PDE11A: variants seen among roughly 807,000 people sequenced by gnomAD.
The protein encoded by PDE11A is dual 3',5'-cyclic-AMP and -GMP phosphodiesterase 11A.
Under a neutral mutation model 100.5 loss-of-function variants are expected in PDE11A, and 100 were observed. That is an observed-to-expected ratio of 1.00 (90% CI 0.85 to 1.18). The LOEUF (loss-of-function observed/expected upper bound fraction) is 1.18. Among genes scored for constraint, PDE11A ranks in the 50% most tolerant of loss-of-function variants. The pLI, the probability that PDE11A is intolerant of heterozygous loss-of-function variation, is 0.00. For missense variants in PDE11A, 1,141 were observed against 1,152.6 expected (o/e 0.99, Z 0.15); for synonymous variants, 381 against 420.8 (o/e 0.91, Z 1.16).
intron 19 of PDE11A, among the ~76,000 whole-genome samples, chr2:177,634,878 G>C (rs904459367): frequency 6.6e-6 from 1 of 152,164 alleles, no homozygotes; most frequent in Non-Finnish European, 1.5e-5. Context: ...AGTGATACGG[G>C]ATGGGTTCTG....
chr2:177,739,076 G>A (rs1574094948), intron 10 of PDE11A, among the ~76,000 whole-genome samples: 2 of 152,168 alleles, frequency 1.3e-5, no homozygotes, highest in East Asian at 3.9e-4. Context: ...AGCTCTTAAC[G>A]CACAAAAGAC....
intron 2 of PDE11A, among the ~76,000 whole-genome samples, chr2:178,088,897 A>G (rs1294205916): frequency 6.6e-6 from 1 of 152,230 alleles, no homozygotes; most frequent in African/African-American, 2.4e-5. Flanking sequence ...ACATTTCCAG[A>G]CTTTAACAAC....
chr2:177,961,661 A>G lies in PDE11A; in HGVS notation c.1071+52641T>C, dbSNP rs543113963. Among the ~76,000 whole-genome samples the G allele has an allele frequency of 2.0e-5, 3 of 152,324 alleles. No individual in the cohort carries two copies. The South Asian group carries it at 6.2e-4, about 32-fold the overall frequency. ...GGTCTTTATTATTTTCTTGAAGCCAATTCCCACATTTTTACTTACATTTAA... is the reference window on the plus strand; with the variant it reads ...GGTCTTTATTATTTTCTTGAAGCCAGTTCCCACATTTTTACTTACATTTAA... On this transcript the variant is annotated intron_variant, in intron 2 of 19. Coordinates refer to ENST00000286063, the MANE Select transcript of PDE11A (RefSeq NM_016953.4).
chr2:177,966,801 A>G (rs1214736736), intron 2 of PDE11A, among the ~76,000 whole-genome samples: 1 of 152,106 alleles, frequency 6.6e-6, no homozygotes, highest in Non-Finnish European at 1.5e-5. Flanking sequence ...TCAGGGATGT[A>G]TGCCTGAAAT....
rs1427987722 is a variant in PDE11A at position 178,072,243 on chromosome 2, G to T, written c.195C>A (p.Thr65=). ...LAGTSSLAHS[T]CRGGSSVGGG... is the part of the protein sequence containing the mutation. ...CACCAACGCTGCTGCCACCTCTGCAGGTGCTGTGAGCCAAGCTGCTGGTAC... is the reference window on the plus strand; with the variant it reads ...CACCAACGCTGCTGCCACCTCTGCATGTGCTGTGAGCCAAGCTGCTGGTAC... Residue 65 remains threonine (T), a synonymous_variant, in exon 1 of 20, where the codon ACC becomes ACA. Coordinates refer to ENST00000286063, the MANE Select transcript of PDE11A (RefSeq NM_016953.4). 1 of 1,613,580 alleles carries T rather than the reference G, an allele frequency of 6.2e-7. No individual in the cohort carries two copies. The highest frequency in any genetic ancestry group is 1.1e-5 in the South Asian group (1 of 91,006).
chr2:177,971,239 C>A (rs2085766962), intron 2 of PDE11A, among the ~76,000 whole-genome samples: 1 of 152,174 alleles, frequency 6.6e-6, no homozygotes, highest in African/African-American at 2.4e-5. Context: ...CATAACAATA[C>A]AAAAATAGTT....
chr2:177,817,784 T>C, intron 8 of PDE11A, 74 bp downstream of exon 8: 2 of 752,118 alleles, frequency 2.7e-6, no homozygotes, highest in Admixed American at 1.8e-5. Flanking sequence ...TAATTGTTTG[T>C]CTTTCAAATT....
chr2:178,092,964 C>T (rs1183115514), intron 2 of PDE11A: 3 of 152,174 alleles, frequency 2.0e-5, no homozygotes, highest in Non-Finnish European at 4.4e-5. Context: ...CCATACAATA[C>T]CTACAAAGGT....
intron 1 of PDE11A, among the ~76,000 whole-genome samples, chr2:178,038,244 CA>C (rs1333137928): frequency 6.6e-6 from 1 of 151,866 alleles, no homozygotes; most frequent in Non-Finnish European, 1.5e-5. Context: ...TCACCCCCAC[CA>C]AAGTTTCTTC....
At chr2:177,766,670 A>C (rs2082244246) in intron 10 of PDE11A, among the ~76,000 whole-genome samples, 2 of 152,230 alleles carry the variant, frequency 1.3e-5, no homozygotes, top group Non-Finnish European at 2.9e-5. Flanking sequence ...TATGTGCAGG[A>C]TTATGTTAAG....
chr2:177,843,587 C>T (rs1043937895), intron 5 of PDE11A, among the ~76,000 whole-genome samples: 13 of 152,254 alleles, frequency 8.5e-5, no homozygotes, highest in Admixed American at 3.9e-4. Context: ...CTAAAACATG[C>T]TTAGAATGTG....
At chr2:177,875,608 C>T (rs1278565122) in intron 5 of PDE11A, among the ~76,000 whole-genome samples, 1 of 151,944 alleles carries the variant, frequency 6.6e-6, no homozygotes, top group Non-Finnish European at 1.5e-5. Flanking sequence ...GTCTCGATCT[C>T]CTGATCTCAT....
intron 2 of PDE11A, among the ~76,000 whole-genome samples, chr2:177,984,601 G>A (rs1462117601): frequency 6.6e-6 from 1 of 151,902 alleles, no homozygotes; most frequent in Non-Finnish European, 1.5e-5. Context: ...CTCCTCCATG[G>A]TTATAAAAAT....
Position 177,932,301 on chromosome 2 carries a change from A to G in PDE11A, c.1072-27114T>C, listed in dbSNP as rs373841144. 2.0e-5 allele frequency among the ~76,000 whole-genome samples: 3 copies of G among 152,210 alleles called. No individual in the cohort carries two copies. The South Asian group carries it at 6.2e-4, about 32-fold the overall frequency. On this transcript the variant is annotated intron_variant, in intron 2 of 19. Coordinates refer to ENST00000286063, the MANE Select transcript of PDE11A (RefSeq NM_016953.4). ...AAGAGGAGGGATTCTTCCCTAATTC[A>G]TTCTATGAAGCCAGCATCACCCTGA... is the stretch of plus-strand genomic sequence containing the variant.
In PDE11A at chr2:177,831,731, G is replaced by T. The variant is rs543427121; in HGVS notation, c.1500+8520C>A. Among the ~76,000 whole-genome samples the T allele has an allele frequency of 9.2e-4, 140 of 152,264 alleles. 3 individuals carry two copies. The highest frequency in any genetic ancestry group is 4.9e-4 in the Non-Finnish European group (33 of 68,030). Reference sequence around the variant, plus strand: ...AACACCTCCCTATCCCACCAACACTGATCAGGAAAACCCATTTGGGCTTAA... The same window carrying T: ...AACACCTCCCTATCCCACCAACACTTATCAGGAAAACCCATTTGGGCTTAA... On this transcript the variant is annotated intron_variant, in intron 6 of 19. Coordinates refer to ENST00000286063, the MANE Select transcript of PDE11A (RefSeq NM_016953.4).
intron 6 of PDE11A, among the ~76,000 whole-genome samples, chr2:177,823,650 A>C (rs1467134779): frequency 1.4e-4 from 21 of 152,218 alleles, no homozygotes; most frequent in Non-Finnish European, 1.5e-5. Context: ...CTTCCAAAAA[A>C]ACAAACTGGT....
chr2:177,700,993 T>G, intron 14 of PDE11A, 128 bp downstream of exon 14: 1 of 724,078 alleles, frequency 1.4e-6, no homozygotes, highest in East Asian at 2.6e-5. Context: ...TAAGGCCCAT[T>G]AAGTTGACTT....
chr2:177,649,598 T>C (rs2105458265), intron 19 of PDE11A, among the ~76,000 whole-genome samples: 1 of 152,342 alleles, frequency 6.6e-6, no homozygotes, highest in Non-Finnish European at 1.5e-5. Flanking sequence ...GTGAGCATAG[T>C]ATATATAGAT....
At chr2:177,812,333 A>G (rs2082961532) in intron 9 of PDE11A, among the ~76,000 whole-genome samples, 1 of 152,118 alleles carries the variant, frequency 6.6e-6, no homozygotes. Context: ...TAAACTGATC[A>G]GGCTAATACT....
Sources: gnomAD v4.1 joint callset for allele counts (sites outside exome capture counted in the v4.1 genomes callset) on GRCh38, gnomAD v4.1.1 for gene constraint, MANE v1.5 for transcripts, NCBI Gene and HGNC (gene_info 2026-07-23, HGNC 2026-07-21) for gene names.